The following TRIM55 variants were observed in gnomAD, a reference collection of about 807,000 sequenced individuals.
The protein encoded by TRIM55 is tripartite motif-containing protein 55.
In TRIM55, 50 loss-of-function variants were observed where a neutral mutation model predicts 60.9. The ratio of observed to expected loss-of-function variants is 0.82; its 90% CI spans 0.65 to 1.04. The LOEUF (loss-of-function observed/expected upper bound fraction) is 1.04, where lower values mean the gene tolerates loss of function less well. Among genes scored for constraint, TRIM55 ranks in the 50% least tolerant of loss-of-function variants. The probability of loss-of-function intolerance (pLI) is 0.00; values close to 1 mark genes in which losing one functional copy is unlikely to be tolerated. For missense variants in TRIM55, 681 were observed against 666.9 expected (o/e 1.02, Z -0.23); for synonymous variants, 237 against 238.1 (o/e 1.00, Z 0.04).
intron 4 of TRIM55, among the ~76,000 whole-genome samples, chr8:66,146,072 A>G (rs1810079223): frequency 6.6e-6 from 1 of 152,218 alleles, no homozygotes; most frequent in African/African-American, 2.4e-5. Context: ...TCAAAATTCC[A>G]CAACTGAATA....
At chr8:66,153,026 A>T (rs553178154) in intron 8 of TRIM55, among the ~76,000 whole-genome samples, 1 of 152,112 alleles carries the variant, frequency 6.6e-6, no homozygotes, top group South Asian at 2.1e-4. Context: ...TAGTGAATGT[A>T]TATGTAGGGT....
intron 9 of TRIM55, among the ~76,000 whole-genome samples, chr8:66,165,684 G>A (rs763311517): frequency 5.9e-5 from 9 of 152,140 alleles, no homozygotes; most frequent in African/African-American, 1.2e-4. Context: ...CGCCCTGACC[G>A]TGCTGGAATT....
At chr8:66,144,879 C>T (rs937298149) in intron 4 of TRIM55, among the ~76,000 whole-genome samples, 1 of 152,186 alleles carries the variant, frequency 6.6e-6, no homozygotes, top group African/African-American at 2.4e-5. Flanking sequence ...CAGACGTTTT[C>T]ACAATGCAAA....
At chr8:66,132,184 C>T (rs1189603046) in intron 2 of TRIM55, among the ~76,000 whole-genome samples, 1 of 152,174 alleles carries the variant, frequency 6.6e-6, no homozygotes, top group Non-Finnish European at 1.5e-5. Flanking sequence ...GGCACAGTGG[C>T]TCACGCCTAT....
At chr8:66,137,641 C>T (rs1159291208) in intron 4 of TRIM55, among the ~76,000 whole-genome samples, 4 of 152,088 alleles carry the variant, frequency 2.6e-5, no homozygotes, top group South Asian at 2.1e-4. Context: ...GAAAGATCTG[C>T]CTAGCTGTAG....
intron 4 of TRIM55, among the ~76,000 whole-genome samples, chr8:66,146,789 G>C (rs1175137533): frequency 6.6e-6 from 1 of 152,158 alleles, no homozygotes; most frequent in Non-Finnish European, 1.5e-5. Context: ...TGAACAGTCC[G>C]ACTCTCAAGC....
At chr8:66,166,132 T>C (rs1013018988) in intron 9 of TRIM55, among the ~76,000 whole-genome samples, 1 of 152,218 alleles carries the variant, frequency 6.6e-6, no homozygotes, top group African/African-American at 2.4e-5. Flanking sequence ...AAAAAGTCAA[T>C]ACTAAAATTG....
At chr8:66,114,204 A>G in the TRIM55 span, among the ~76,000 whole-genome samples, 3 of 151,390 alleles carry the variant, frequency 2.0e-5, no homozygotes, top group Non-Finnish European at 4.4e-5. Context: ...ATTAGCTCAA[A>G]TGGTAGAGCG....
chr8:66,129,138 T>G (rs1808998079), intron 2 of TRIM55, among the ~76,000 whole-genome samples: 1 of 152,262 alleles, frequency 6.6e-6, no homozygotes, highest in Non-Finnish European at 1.5e-5. Context: ...ATTCACTTGT[T>G]GATTGTGAAT....
At chr8:66,134,917 CAACA>C (rs1809386840) in intron 2 of TRIM55, 69 bp from the exon 3 acceptor site, 1 of 1,500,432 alleles carries the variant, frequency 6.7e-7, no homozygotes, top group South Asian at 1.2e-5. Flanking sequence ...CAAGGCAGAG[CAACA>C]TCAGCTCTGC....
chr8:66,149,782 G>T lies in TRIM55; in HGVS notation c.741G>T (p.Leu247=). ...QEEKLEHVRA[L]IKKYSDHLEN... is the part of the protein sequence containing the mutation. ...AGAAACTGGAACATGTCCGTGCTCTGATCAAAAAGTATTCTGATCATTTGG... is the reference window on the plus strand; with the variant it reads ...AGAAACTGGAACATGTCCGTGCTCTTATCAAAAAGTATTCTGATCATTTGG... Residue 247 remains leucine (L), a synonymous_variant, in exon 5 of 10, where the codon CTG becomes CTT. Coordinates refer to ENST00000315962, the MANE Select transcript of TRIM55 (RefSeq NM_184085.2). 3 of 1,614,132 alleles carry T rather than the reference G, an allele frequency of 1.9e-6. No individual in the cohort carries two copies. The South Asian group carries it at 3.3e-5, about 18-fold the overall frequency.
At chr8:66,165,295 C>T (rs1811267240) in intron 9 of TRIM55, among the ~76,000 whole-genome samples, 1 of 152,192 alleles carries the variant, frequency 6.6e-6, no homozygotes, top group Middle Eastern at 3.4e-3. Flanking sequence ...CCAAGCTATA[C>T]ATTCTTATTT....
At chr8:66,162,117 C>G (rs1057099223) in intron 9 of TRIM55, among the ~76,000 whole-genome samples, 3 of 152,068 alleles carry the variant, frequency 2.0e-5, no homozygotes, top group Non-Finnish European at 4.4e-5. Flanking sequence ...GGGATGCTTT[C>G]AACTTCTCCC....
At position 66,152,305 on chromosome 8, in the gene TRIM55, G is replaced by T. The variant is rs1810474960; in HGVS notation, c.986-72G>T. The T allele has an allele frequency of 3.3e-6, 5 of 1,507,078 alleles. No homozygotes were observed. The East Asian group carries it at 1.2e-4, about 37-fold the overall frequency. The allele number at this position is 1,507,078 out of a possible 1,614,324, so 93.4% of individuals were successfully genotyped here. On this transcript the variant is annotated intron_variant, in intron 7 of 9. Transcript: ENST00000315962. ...GCCTTGACCTTAACTAGGGCTATAAGCACTGGCCATTAACTGTGTCCATGG... is the reference window on the plus strand; with the variant it reads ...GCCTTGACCTTAACTAGGGCTATAATCACTGGCCATTAACTGTGTCCATGG...
rs577666246 is a variant in TRIM55 at position 66,135,221 on chromosome 8, G to A, written c.507+66G>A. The A allele has an allele frequency of 5.7e-6, 9 of 1,575,022 alleles. No individual in the cohort carries two copies. In the South Asian group the frequency reaches 1.0e-4, roughly 18 times the overall value. On this transcript the variant is annotated intron_variant, in intron 3 of 9. Coordinates refer to ENST00000315962, the MANE Select transcript of TRIM55 (RefSeq NM_184085.2). ...CCCCACACCTTAGGGCCTTCCTGGG[G>A]CCAGTGTGAGTGGCTCCCTGCGGTG...
chr8:66,117,895 G>T, the TRIM55 span, among the ~76,000 whole-genome samples: 1 of 151,910 alleles, frequency 6.6e-6, no homozygotes, highest in Admixed American at 6.6e-5. Context: ...GGCCGGGCAC[G>T]GTGGCTCAAG....
In TRIM55 at chr8:66,128,562, C is replaced by T. The variant is rs571273603; in HGVS notation, c.341+86C>T. The T allele has an allele frequency of 1.1e-5, 15 of 1,399,824 alleles. No homozygotes were observed. The African/African-American group carries it at 2.0e-4, about 19-fold the overall frequency. 86.7% of individuals were successfully genotyped at this position (1,399,824 alleles called of 1,614,324 possible). On this transcript the variant is annotated intron_variant, in intron 2 of 9. Coordinates refer to ENST00000315962, the MANE Select transcript of TRIM55 (RefSeq NM_184085.2). ...TTTTAATGGGTTGCTACGCTGAATG[C>T]TTGTTTATCAATCACAGACTGTTTT...
chr8:66,134,014 G>A (rs762072548), intron 2 of TRIM55, among the ~76,000 whole-genome samples: 2 of 151,852 alleles, frequency 1.3e-5, no homozygotes, highest in Non-Finnish European at 2.9e-5. Context: ...CAAAAGTTTC[G>A]AACAGCAATA....
At chr8:66,169,289 G>C (rs956453665) in intron 9 of TRIM55, among the ~76,000 whole-genome samples, 3 of 152,172 alleles carry the variant, frequency 2.0e-5, no homozygotes, top group Admixed American at 2.0e-4. Flanking sequence ...GCTCAAACAA[G>C]CGCATATCCA....
Sources: allele counts gnomAD v4.1 joint callset (sites outside exome capture counted in the v4.1 genomes callset), GRCh38; gene constraint gnomAD v4.1.1; transcripts MANE v1.5; gene names NCBI Gene and HGNC (gene_info 2026-07-23, HGNC 2026-07-21).